Variants in F13A1 observed in about 807,000 individuals in gnomAD.
F13A1 encodes the protein coagulation factor XIII A chain, also known as FSF, A subunit.
F13A1 carries 47 observed loss-of-function variants against 80.1 expected under a neutral mutation model. The observed-to-expected ratio is 0.59, with a 90% confidence interval of 0.46 to 0.75. F13A1 has a LOEUF of 0.75. F13A1 is among the 30% of genes least tolerant of loss of function. F13A1 has a pLI of 0.00. For synonymous variants in F13A1, 349 were observed against 344.9 expected, an observed-to-expected ratio of 1.01 and a Z score of -0.13; for missense variants, 817 against 930.4, an observed-to-expected ratio of 0.88 and a Z score of 1.59.
At chr6:6,158,597 C>T (rs1354180035) in intron 13 of F13A1, among the ~76,000 whole-genome samples, 1 of 152,058 alleles carries the variant, frequency 6.6e-6, no homozygotes, top group East Asian at 1.9e-4. Flanking sequence ...GTTCCCATCC[C>T]CGGCCTCCCC....
At chr6:6,167,324 T>C (rs1583051839) in intron 13 of F13A1, 134 bp downstream of exon 13, 3 of 855,588 alleles carry the variant, frequency 3.5e-6, no homozygotes, top group East Asian at 5.5e-5. Flanking sequence ...CTAGCACTGG[T>C]ATTTTTTTTT....
At chr6:6,282,324 TAGTTGGAAC>T (rs1482466055) in intron 3 of F13A1, among the ~76,000 whole-genome samples, 1 of 152,192 alleles carries the variant, frequency 6.6e-6, no homozygotes, top group East Asian at 1.9e-4. Flanking sequence ...ATACTGAAAC[TAGTTGGAAC>T]AGTCCAACTG....
intron 10 of F13A1, among the ~76,000 whole-genome samples, chr6:6,185,062 T>C (rs182359951): frequency 1.3e-4 from 19 of 151,944 alleles, no homozygotes; most frequent in Admixed American, 1.1e-3. Flanking sequence ...ATAGATAAGT[T>C]CAGAGTGTAT....
At chr6:6,228,515 C>T (rs566369575) in intron 6 of F13A1, among the ~76,000 whole-genome samples, 1 of 152,046 alleles carries the variant, frequency 6.6e-6, no homozygotes, top group East Asian at 1.9e-4. Flanking sequence ...AGATAGATTG[C>T]TTGAGGTCAG....
chr6:6,266,831 ACT>A, intron 3 of F13A1, 22 bp from the exon 4 acceptor site: 1 of 1,613,786 alleles, frequency 6.2e-7, no homozygotes, highest in Non-Finnish European at 8.5e-7. Flanking sequence ...GAGAAGAAAT[ACT>A]CTGTTAGGTT....
intron 1 of F13A1, 128 bp from the exon 2 acceptor site, chr6:6,318,810 C>A: frequency 1.0e-6 from 1 of 977,690 alleles, no homozygotes. Flanking sequence ...CACATTTTGC[C>A]GTTTGCATAA....
At chr6:6,305,041 G>A (rs1244825325) in intron 3 of F13A1, 1 of 429,494 alleles carries the variant, frequency 2.3e-6, no homozygotes, top group Non-Finnish European at 4.3e-6. Flanking sequence ...ATTAAATCAT[G>A]GAGATAAAAG....
At chr6:6,152,087 C>A in intron 13 of F13A1, 138 bp from the exon 14 acceptor site, 1 of 991,430 alleles carries the variant, frequency 1.0e-6, no homozygotes, top group South Asian at 1.4e-5. Flanking sequence ...ATGAGGATAG[C>A]TGATTGCTTT....
chr6:6,163,004 G>T (rs772931182), intron 13 of F13A1, among the ~76,000 whole-genome samples: 3 of 152,184 alleles, frequency 2.0e-5, no homozygotes, highest in Admixed American at 6.5e-5. Context: ...TAGAAGAGAG[G>T]CGTTTAATAA....
chr6:6,236,705 T>C (rs1445716200), intron 6 of F13A1, among the ~76,000 whole-genome samples: 1 of 152,186 alleles, frequency 6.6e-6, no homozygotes, highest in African/African-American at 2.4e-5. Context: ...TTAAAAGTTA[T>C]GTCCTCATAA....
At chr6:6,192,557 T>C (rs1353744119) in intron 10 of F13A1, among the ~76,000 whole-genome samples, 1 of 152,206 alleles carries the variant, frequency 6.6e-6, no homozygotes, top group South Asian at 2.1e-4. Context: ...GATTATTTTA[T>C]AGCCAAGTAG....
At chr6:6,166,614 C>G (rs1335770409) in intron 13 of F13A1, among the ~76,000 whole-genome samples, 3 of 152,182 alleles carry the variant, frequency 2.0e-5, no homozygotes, top group Admixed American at 1.3e-4. Flanking sequence ...GCCTGGGTTC[C>G]TGCTTCCAGG....
chr6:6,233,682 A>T (rs975464028), intron 6 of F13A1, among the ~76,000 whole-genome samples: 4 of 152,134 alleles, frequency 2.6e-5, no homozygotes, highest in African/African-American at 9.7e-5. Context: ...TGATGAACAC[A>T]GATGCTAAAA....
chr6:6,172,484 C>T lies in F13A1; in HGVS notation c.1747+2096G>A, dbSNP rs542608921. On this transcript the variant is annotated intron_variant, in intron 12 of 14. Transcript: ENST00000264870. ...TTTTTGAGATGAAGTCTTGCTCTGT[C>T]CCCCAGGCTGGAGTGCAGTGGCACG... Among the ~76,000 whole-genome samples, 6 of 148,608 alleles carry T rather than the reference C, an allele frequency of 4.0e-5. No individual in the cohort carries two copies. In the East Asian group the frequency reaches 9.9e-4, roughly 24 times the overall value.
chr6:6,288,033 G>A (rs1463588021), intron 3 of F13A1, among the ~76,000 whole-genome samples: 1 of 152,114 alleles, frequency 6.6e-6, no homozygotes, highest in African/African-American at 2.4e-5. Flanking sequence ...CACTTATGGG[G>A]AATCTATTGG....
chr6:6,147,433 C>T (rs1467190975), intron 14 of F13A1, among the ~76,000 whole-genome samples: 2 of 152,152 alleles, frequency 1.3e-5, no homozygotes, highest in Non-Finnish European at 2.9e-5. Flanking sequence ...ATGGAGGATT[C>T]ATTGAACTCT....
chr6:6,231,030 C>CA (rs1328539351), intron 6 of F13A1, among the ~76,000 whole-genome samples: 11 of 152,084 alleles, frequency 7.2e-5, no homozygotes, highest in Non-Finnish European at 1.3e-4. Flanking sequence ...CAACACCCCC[C>CA]AAAAATCACA....
chr6:6,166,089 C>T (rs930614838), intron 13 of F13A1, among the ~76,000 whole-genome samples: 2 of 152,268 alleles, frequency 1.3e-5, no homozygotes, highest in Non-Finnish European at 2.9e-5. Context: ...TGGTTCCCAG[C>T]CCTGCTTTTG....
chr6:6,229,821 A>T (rs1583083408), intron 6 of F13A1, among the ~76,000 whole-genome samples: 1 of 152,204 alleles, frequency 6.6e-6, no homozygotes, highest in Admixed American at 6.5e-5. Flanking sequence ...CCGAACACAA[A>T]CCTCCACTGG....
Sources: allele counts gnomAD v4.1 joint callset (sites outside exome capture counted in the v4.1 genomes callset), GRCh38; gene constraint gnomAD v4.1.1; transcripts MANE v1.5; gene names NCBI Gene and HGNC (gene_info 2026-07-23, HGNC 2026-07-21).